The following EPB41L4A variants were observed in gnomAD, a reference collection of about 807,000 sequenced individuals.
The protein encoded by EPB41L4A is erythrocyte membrane protein band 4.1 like 4A.
Under a neutral mutation model 108.6 loss-of-function variants are expected in EPB41L4A, and 100 were observed. That is an observed-to-expected ratio of 0.92 (90% CI 0.78 to 1.09). EPB41L4A has a LOEUF of 1.09. Ranked by LOEUF, EPB41L4A falls within the 50% of genes least tolerant of loss-of-function variation. The pLI is 0.00. For synonymous variants in EPB41L4A, 319 were observed against 289.0 expected (o/e 1.10, Z -1.05); for missense variants, 1,030 against 842.7 (o/e 1.22, Z -2.75).
chr5:112,376,061 A>G (rs1759800127), intron 1 of EPB41L4A, among the ~76,000 whole-genome samples: 1 of 152,242 alleles, frequency 6.6e-6, no homozygotes, highest in Non-Finnish European at 1.5e-5. Flanking sequence ...ACTGCTGCTA[A>G]GCAAAAACCC....
chr5:112,243,228 T>C (rs1355983818), intron 9 of EPB41L4A, among the ~76,000 whole-genome samples: 5 of 150,620 alleles, frequency 3.3e-5, no homozygotes, highest in East Asian at 2.0e-4. Flanking sequence ...AATATATATA[T>C]ATATATCTAT....
At chr5:112,334,442 C>G (rs560915815) in intron 1 of EPB41L4A, among the ~76,000 whole-genome samples, 1 of 152,226 alleles carries the variant, frequency 6.6e-6, no homozygotes, top group East Asian at 1.9e-4. Flanking sequence ...CCATCTATTG[C>G]CTCTAAAGAT....
rs918133610 is a variant in EPB41L4A at position 112,229,689 on chromosome 5, T to C, written c.1087+4945A>G. ...GTTTTCCATTCCTGAGTTACTTCAC[T>C]TAGAGTAACGGTCTCCAGGCCAGGC... On this transcript the variant is annotated intron_variant, in intron 12 of 22. Coordinates refer to ENST00000261486, the MANE Select transcript of EPB41L4A (RefSeq NM_022140.5). Among the ~76,000 whole-genome samples the C allele has an allele frequency of 3.3e-5, 5 of 152,268 alleles. No individual in the cohort carries two copies. The East Asian group carries it at 9.7e-4, about 29-fold the overall frequency.
chr5:112,309,854 G>A (rs1008049638), intron 1 of EPB41L4A, among the ~76,000 whole-genome samples: 1 of 152,154 alleles, frequency 6.6e-6, no homozygotes, highest in Non-Finnish European at 1.5e-5. Context: ...GATGAAGGGG[G>A]CTATCTGAGA....
At chr5:112,417,316 C>A (rs2112847465) in intron 1 of EPB41L4A, among the ~76,000 whole-genome samples, 1 of 152,328 alleles carries the variant, frequency 6.6e-6, no homozygotes, top group East Asian at 1.9e-4. Context: ...ATAGGCATGA[C>A]TTTGATGATT....
At chr5:112,237,573 C>A (rs570905947) in intron 11 of EPB41L4A, among the ~76,000 whole-genome samples, 1 of 152,146 alleles carries the variant, frequency 6.6e-6, no homozygotes, top group Non-Finnish European at 1.5e-5. Flanking sequence ...TTAAGCTGTT[C>A]TTTATACCCT....
intron 1 of EPB41L4A, among the ~76,000 whole-genome samples, chr5:112,414,012 A>C (rs780814373): frequency 5.3e-5 from 8 of 152,214 alleles, no homozygotes; most frequent in Non-Finnish European, 1.0e-4. Context: ...GTAGAAGGTG[A>C]ATACTGTACA....
intron 17 of EPB41L4A, among the ~76,000 whole-genome samples, chr5:112,193,335 T>G (rs889170337): frequency 4.6e-5 from 7 of 152,206 alleles, no homozygotes; most frequent in African/African-American, 1.4e-4. Flanking sequence ...GAAGTTTCTC[T>G]CTTGCTGCCA....
At chr5:112,220,237 A>G (rs1747953054) in intron 12 of EPB41L4A, among the ~76,000 whole-genome samples, 1 of 152,236 alleles carries the variant, frequency 6.6e-6, no homozygotes. Flanking sequence ...GGAGTTAGAT[A>G]TCTAACAGTG....
In EPB41L4A at chr5:112,205,472, T is replaced by G; in HGVS notation, c.1211A>C (p.Asp404Ala). 1 of 1,613,804 alleles carries G rather than the reference T, an allele frequency of 6.2e-7. No individual in the cohort carries two copies. The highest frequency in any genetic ancestry group is 2.2e-5 in the East Asian group (1 of 44,870). The change falls in exon 14 of 23, where the codon GAT becomes GCT. Residue 404 changes from aspartate (D) to alanine (A), a missense_variant. Asp to Ala is a moderately radical substitution (Grantham distance 126). Transcript: ENST00000261486. ...TGCATGAGATTTGCTTCTTTGGGTA[T>G]CAGGGCTATTTTCATTCTTTGCTTT... ...FKKAKNENSP[D>A]TQRSKSHAPW...
rs1366662239 is a variant in EPB41L4A at position 112,307,479 on chromosome 5, T to A, written c.111A>T (p.Lys37Asn). 3 of 1,611,780 alleles carry A rather than the reference T, an allele frequency of 1.9e-6. No individual in the cohort carries two copies. The East Asian group carries it at 6.7e-5, about 36-fold the overall frequency. The change falls in exon 2 of 23, where the codon AAA becomes AAT. Residue 37 changes from lysine (K) to asparagine (N), a missense_variant. By Grantham distance (94) the Lys-to-Asn change is moderately conservative. Transcript: ENST00000261486. ...TQQQGIKKST[K>N]GSVVLDHVFH... ...ATACGTGGTCAAGGACAACGGAACC[T>A]TTCGTTGACTTCTGCAAAAATAATT...
intron 9 of EPB41L4A, 106 bp downstream of exon 9, chr5:112,259,123 A>T (rs1751315628): frequency 1.2e-6 from 1 of 852,940 alleles, no homozygotes; most frequent in East Asian, 2.4e-5. Flanking sequence ...ACCTGGTTCC[A>T]TGTGGAAGCA....
chr5:112,214,567 T>C (rs1580448743), intron 12 of EPB41L4A, among the ~76,000 whole-genome samples: 1 of 152,002 alleles, frequency 6.6e-6, no homozygotes. Flanking sequence ...ATCGAGACCA[T>C]CCTGGCTAAA....
At chr5:112,239,620 T>C (rs1417225523) in intron 11 of EPB41L4A, 40 bp downstream of exon 11, 6 of 1,322,962 alleles carry the variant, frequency 4.5e-6, no homozygotes, top group Admixed American at 2.3e-5. Context: ...TAAGTATTTA[T>C]TTACAAACAC....
downstream of EPB41L4A, among the ~76,000 whole-genome samples, chr5:112,142,147 C>T (rs921978237): frequency 6.6e-6 from 1 of 152,162 alleles, no homozygotes; most frequent in Non-Finnish European, 1.5e-5. Flanking sequence ...ATGCACAGAG[C>T]CTTATACACT....
chr5:112,242,514 C>G (rs914573231), intron 9 of EPB41L4A, among the ~76,000 whole-genome samples: 31 of 152,162 alleles, frequency 2.0e-4, no homozygotes, highest in Non-Finnish European at 4.0e-4. Flanking sequence ...AAGTCTTGGA[C>G]CCCTCAAAGT....
At chr5:112,387,583 C>G in intron 1 of EPB41L4A, among the ~76,000 whole-genome samples, 1 of 152,226 alleles carries the variant, frequency 6.6e-6, no homozygotes, top group Non-Finnish European at 1.5e-5. Flanking sequence ...GAGCCGAAAT[C>G]ATGCCACTGC....
chr5:112,254,782 C>G (rs1016500487), intron 9 of EPB41L4A, among the ~76,000 whole-genome samples: 1 of 151,924 alleles, frequency 6.6e-6, no homozygotes, highest in African/African-American at 2.4e-5. Context: ...GCTCAGCATA[C>G]CCCCTCGCCT....
chr5:112,244,803 C>T (rs962858932), intron 9 of EPB41L4A, among the ~76,000 whole-genome samples: 31 of 152,154 alleles, frequency 2.0e-4, no homozygotes, highest in Non-Finnish European at 4.1e-4. Flanking sequence ...AAGCTCCTAG[C>T]TTGCAGGGTG....
Sources: allele counts gnomAD v4.1 joint callset (sites outside exome capture counted in the v4.1 genomes callset), GRCh38; gene constraint gnomAD v4.1.1; transcripts MANE v1.5; gene names NCBI Gene and HGNC (gene_info 2026-07-23, HGNC 2026-07-21).